The following GAB1 variants were observed in gnomAD, a reference collection of about 807,000 sequenced individuals.
GAB1 encodes GRB2-associated-binding protein 1.
Under a neutral mutation model 66.5 loss-of-function variants are expected in GAB1, and 19 were observed. The observed-to-expected ratio is 0.29, with a 90% CI of 0.20 to 0.42. The LOEUF is 0.42. Among genes scored for constraint, GAB1 ranks in the 10% least tolerant of loss-of-function variants. The probability of loss-of-function intolerance (pLI) is 1.00; values close to 1 mark genes in which losing one functional copy is unlikely to be tolerated. For synonymous variants in GAB1, 294 were observed against 301.4 expected, an observed-to-expected ratio of 0.98 and a Z score of 0.25; for missense variants, 732 against 858.5, an observed-to-expected ratio of 0.85 and a Z score of 1.84.
chr4:143,417,448 T>C (rs577840706), intron 2 of GAB1: 134 of 432,928 alleles, frequency 3.1e-4, no homozygotes, highest in African/African-American at 2.2e-3. Context: ...CACTTTGTCG[T>C]CTAGGCTGGA....
chr4:143,413,002 C>G (rs138808643), intron 1 of GAB1, among the ~76,000 whole-genome samples: 1 of 152,106 alleles, frequency 6.6e-6, no homozygotes, highest in Admixed American at 6.6e-5. Context: ...TGGATGCTTA[C>G]AATACTTAGT....
At chr4:143,349,635 G>T in intron 1 of GAB1, 1 of 1,467,424 alleles carries the variant, frequency 6.8e-7, no homozygotes, top group South Asian at 1.2e-5. Flanking sequence ...GGGGCTTGCC[G>T]ATCTTGTTCC....
At chr4:143,450,745 G>A (rs1371834654) in intron 6 of GAB1, among the ~76,000 whole-genome samples, 2 of 152,076 alleles carry the variant, frequency 1.3e-5, no homozygotes, top group Admixed American at 6.6e-5. Flanking sequence ...AAAAAAATTA[G>A]CCAGGCGTGG....
At chr4:143,402,437 C>T (rs945827943) in intron 1 of GAB1, among the ~76,000 whole-genome samples, 1 of 152,178 alleles carries the variant, frequency 6.6e-6, no homozygotes, top group Non-Finnish European at 1.5e-5. Flanking sequence ...GCATATATAT[C>T]TGTGTTCCAC....
At chr4:143,350,662 G>T (rs113422377) in intron 1 of GAB1, among the ~76,000 whole-genome samples, 4,254 of 128,588 alleles carry the variant, frequency 0.033, 221 homozygotes, top group African/African-American at 0.12. Flanking sequence ...TGGGCAACAA[G>T]CGTGAAACTC....
chr4:143,367,639 T>C (rs1282564921), intron 1 of GAB1, among the ~76,000 whole-genome samples: 1 of 151,130 alleles, frequency 6.6e-6, no homozygotes, highest in Non-Finnish European at 1.5e-5. Flanking sequence ...GTGCAAAGGC[T>C]GAGGGTATGT....
chr4:143,438,175 G>C lies in GAB1; in HGVS notation c.770G>C (p.Ser257Thr). The change falls in exon 4 of 10, where the codon AGC (serine) becomes ACC (threonine). Residue 257 changes from serine to threonine, a missense_variant. Coordinates refer to ENST00000262994, the MANE Select transcript of GAB1 (RefSeq NM_002039.4). ...SRAPSASVDSSLYNLPRSYSH... is the reference protein window; with the variant it reads ...SRAPSASVDSTLYNLPRSYSH... ...GCCCCATCTGCTTCAGTTGACTCCA[G>C]CCTTTATAACCTGCCCAGGAGTTAT... is the stretch of plus-strand genomic sequence containing the variant. 2 of 1,613,944 alleles carry C rather than the reference G, an allele frequency of 1.2e-6. No homozygotes were observed. Among genetic ancestry groups the C allele is most frequent in the Non-Finnish European group, 1.7e-6 (2 of 1,179,988 alleles).
At chr4:143,381,593 A>G (rs1246026820) in intron 1 of GAB1, among the ~76,000 whole-genome samples, 1 of 152,216 alleles carries the variant, frequency 6.6e-6, no homozygotes, top group Non-Finnish European at 1.5e-5. Context: ...GTTGGAGATC[A>G]AGTACCTTAA....
intron 1 of GAB1, among the ~76,000 whole-genome samples, chr4:143,359,589 G>C (rs1729582510): frequency 6.6e-6 from 1 of 152,164 alleles, no homozygotes; most frequent in African/African-American, 2.4e-5. Context: ...ATGAAAAGTT[G>C]TGCCTTATCC....
intron 1 of GAB1, among the ~76,000 whole-genome samples, chr4:143,340,519 AT>A (rs1235312420): frequency 2.0e-5 from 3 of 151,236 alleles, no homozygotes; most frequent in African/African-American, 4.9e-5. Flanking sequence ...TTTTTAATTA[AT>A]TTTTTTTTGA....
intron 1 of GAB1, among the ~76,000 whole-genome samples, chr4:143,398,163 A>C (rs1731550637): frequency 1.3e-5 from 2 of 152,234 alleles, no homozygotes; most frequent in Admixed American, 1.3e-4. Flanking sequence ...TTATAAGCTG[A>C]TACTATATAC....
intron 6 of GAB1, among the ~76,000 whole-genome samples, chr4:143,447,546 T>C (rs1433591796): frequency 1.3e-5 from 2 of 152,218 alleles, no homozygotes; most frequent in African/African-American, 4.8e-5. Context: ...TATTTTATTG[T>C]CTTTGAAGCA....
At chr4:143,386,247 A>T (rs1730904428) in intron 1 of GAB1, among the ~76,000 whole-genome samples, 1 of 152,184 alleles carries the variant, frequency 6.6e-6, no homozygotes, top group African/African-American at 2.4e-5. Context: ...GACCAGAAGT[A>T]TTTCCGATTT....
In GAB1 at chr4:143,439,904, T is replaced by G. The variant is rs201874497; in HGVS notation, c.1281+17T>G. The G allele has an allele frequency of 8.2e-5, 129 of 1,571,684 alleles. No homozygotes were observed. The highest frequency in any genetic ancestry group is 1.1e-4 in the Non-Finnish European group (127 of 1,141,434). On this transcript the variant is annotated intron_variant, in intron 5 of 9. Coordinates refer to ENST00000262994, the MANE Select transcript of GAB1 (RefSeq NM_002039.4). ...AACCACTTTGTAAGTATAATTGACC[T>G]TGGCATCATCAAGTGTATTTCATTG...
At chr4:143,410,348 G>C (rs1732313726) in intron 1 of GAB1, among the ~76,000 whole-genome samples, 1 of 152,142 alleles carries the variant, frequency 6.6e-6, no homozygotes, top group Non-Finnish European at 1.5e-5. Flanking sequence ...AGGTTAATTA[G>C]GCAAAATTTG....
In GAB1 at chr4:143,433,740, G is replaced by C. The variant is rs1183393715; in HGVS notation, c.593+24G>C. On this transcript the variant is annotated intron_variant, in intron 3 of 9. Coordinates refer to ENST00000262994, the MANE Select transcript of GAB1 (RefSeq NM_002039.4). ...AGGTAAATTATATATGCCCATGTGAGAGAGAGACAGAGGCGTGTGTATGTG... is the reference window on the plus strand; with the variant it reads ...AGGTAAATTATATATGCCCATGTGACAGAGAGACAGAGGCGTGTGTATGTG... The C allele has an allele frequency of 3.9e-6, 6 of 1,537,864 alleles. No individual in the cohort carries two copies. The Admixed American group carries it at 1.0e-4, about 26-fold the overall frequency.
intron 1 of GAB1, among the ~76,000 whole-genome samples, chr4:143,362,491 A>G (rs1190858598): frequency 6.6e-6 from 1 of 152,146 alleles, no homozygotes; most frequent in Non-Finnish European, 1.5e-5. Context: ...TACATGCTAA[A>G]CAAGGGGCGG....
At chr4:143,351,431 CGGT>C (rs995038947) in intron 1 of GAB1, among the ~76,000 whole-genome samples, 4 of 152,172 alleles carry the variant, frequency 2.6e-5, no homozygotes, top group African/African-American at 9.7e-5. Context: ...TGCTCTTCCG[CGGT>C]GTCTTCTCCC....
At chr4:143,381,007 A>G (rs994811909) in intron 1 of GAB1, among the ~76,000 whole-genome samples, 5 of 152,164 alleles carry the variant, frequency 3.3e-5, no homozygotes, top group African/African-American at 1.2e-4. Flanking sequence ...ATGTAAAATG[A>G]CTGGTTAAAA....
Sources: allele counts gnomAD v4.1 joint callset (sites outside exome capture counted in the v4.1 genomes callset), GRCh38; gene constraint gnomAD v4.1.1; transcripts MANE v1.5; gene names NCBI Gene and HGNC (gene_info 2026-07-23, HGNC 2026-07-21).